Variants in RTKN2 observed in about 807,000 individuals in gnomAD.
The protein encoded by RTKN2 is rhotekin 2.
In RTKN2, 69 loss-of-function variants were observed where a neutral mutation model predicts 71.5. That is an observed-to-expected ratio of 0.96 (90% CI 0.79 to 1.18). The LOEUF (loss-of-function observed/expected upper bound fraction) is 1.18, where lower values mean the gene tolerates loss of function less well. Among genes scored for constraint, RTKN2 ranks in the 50% most tolerant of loss-of-function variants. The probability of loss-of-function intolerance (pLI) is 0.00; values close to 1 mark genes in which losing one functional copy is unlikely to be tolerated. For missense variants in RTKN2, 724 were observed against 719.7 expected (o/e 1.01, Z -0.07); for synonymous variants, 236 against 236.5 (o/e 1.00, Z 0.02).
intron 1 of RTKN2, 81 bp downstream of exon 1, chr10:62,268,470 G>A: frequency 7.6e-7 from 1 of 1,308,462 alleles, no homozygotes; most frequent in Non-Finnish European, 1.1e-6. Context: ...AGGCTTTCCC[G>A]ACTCCTCCAC....
chr10:62,211,907 G>T (rs944602656), intron 9 of RTKN2, among the ~76,000 whole-genome samples: 1 of 151,924 alleles, frequency 6.6e-6, no homozygotes, highest in Non-Finnish European at 1.5e-5. Context: ...CTCCTGATCC[G>T]CCCGTGCTGA....
intron 3 of RTKN2, among the ~76,000 whole-genome samples, chr10:62,245,633 C>T (rs1232043059): frequency 6.6e-6 from 1 of 151,978 alleles, no homozygotes. Context: ...CTGACCTAGA[C>T]AAAACATTAA....
At chr10:62,217,706 T>C (rs776469226) in intron 8 of RTKN2, among the ~76,000 whole-genome samples, 1 of 152,196 alleles carries the variant, frequency 6.6e-6, no homozygotes, top group Non-Finnish European at 1.5e-5. Flanking sequence ...TTCCTCCTAA[T>C]GGAATCTTTT....
At chr10:62,222,844 A>C (rs1480870398) in intron 7 of RTKN2, among the ~76,000 whole-genome samples, 1 of 152,232 alleles carries the variant, frequency 6.6e-6, no homozygotes, top group African/African-American at 2.4e-5. Flanking sequence ...CCATCCAAAG[A>C]GAAAAAAGTT....
Position 62,195,815 on chromosome 10 carries a change from AG to A in RTKN2, c.*2092del, listed in dbSNP as rs1186721021. On this transcript the variant is annotated 3_prime_UTR_variant, in exon 12 of 12. Coordinates refer to ENST00000373789, the MANE Select transcript of RTKN2 (RefSeq NM_145307.4). ...AAAGAGACCGAATAATTTGGTGGGGAGGGGGTGGTGGTCCTTGCTCAGGCTT... is the reference window on the plus strand; with the variant it reads ...AAAGAGACCGAATAATTTGGTGGGGAGGGGTGGTGGTCCTTGCTCAGGCTT... 4 of 985,234 alleles carry A rather than the reference AG, an allele frequency of 4.1e-6. No homozygotes were observed. The highest frequency in any genetic ancestry group is 4.8e-6 in the Non-Finnish European group (4 of 829,982). The allele number at this position is 985,234 out of a possible 1,614,324, so 61.0% of individuals were successfully genotyped here. A position where few individuals can be genotyped will look rare whatever the true frequency, so the allele number is the denominator to read the frequency against.
chr10:62,212,584 T>C (rs1474218603), intron 9 of RTKN2, among the ~76,000 whole-genome samples: 1 of 151,660 alleles, frequency 6.6e-6, no homozygotes, highest in Non-Finnish European at 1.5e-5. Context: ...GTACCTGTAG[T>C]CCCAGCTACT....
intron 10 of RTKN2, among the ~76,000 whole-genome samples, chr10:62,202,514 C>T (rs981253037): frequency 2.0e-5 from 3 of 152,312 alleles, no homozygotes; most frequent in South Asian, 2.1e-4. Flanking sequence ...ATACCTCCAT[C>T]TTTGCTTCAT....
chr10:62,239,587 T>C (rs972672295), intron 5 of RTKN2, 61 bp downstream of exon 5: 6 of 761,758 alleles, frequency 7.9e-6, no homozygotes, highest in Non-Finnish European at 1.2e-5. Context: ...AATAAGAACT[T>C]TCTTTTAAAA....
At position 62,197,832 on chromosome 10, in the gene RTKN2, C is replaced by A. The variant is rs1001902400; in HGVS notation, c.*76G>T. On this transcript the variant is annotated 3_prime_UTR_variant, in exon 12 of 12. Coordinates refer to ENST00000373789, the MANE Select transcript of RTKN2 (RefSeq NM_145307.4). The stretch of plus-strand genomic sequence containing the variant: ...ATCACTATATTTACCTATATAATTA[C>A]ACATTATTCTATAATGCCTCTGAAT... The A allele has an allele frequency of 6.8e-7, 1 of 1,471,196 alleles. No homozygotes were observed. Among genetic ancestry groups the A allele is most frequent in the Admixed American group, 2.5e-5 (1 of 39,864 alleles). The allele number at this position is 1,471,196 out of a possible 1,614,324, so 91.1% of individuals were successfully genotyped here. A position where few individuals can be genotyped will look rare whatever the true frequency, so the allele number is the denominator to read the frequency against.
intron 3 of RTKN2, among the ~76,000 whole-genome samples, chr10:62,244,739 TA>T (rs1842446090): frequency 6.6e-6 from 1 of 152,196 alleles, no homozygotes; most frequent in South Asian, 2.1e-4. Flanking sequence ...TGTTTTGTAT[TA>T]TAAAGATAAA....
chr10:62,221,373 G>A (rs965536015), intron 7 of RTKN2, among the ~76,000 whole-genome samples: 1 of 151,742 alleles, frequency 6.6e-6, no homozygotes, highest in Non-Finnish European at 1.5e-5. Context: ...AAATAACCAC[G>A]GAATAGGTGA....
intron 9 of RTKN2, among the ~76,000 whole-genome samples, chr10:62,206,700 A>T (rs765237850): frequency 2.0e-5 from 3 of 152,096 alleles, no homozygotes; most frequent in Admixed American, 6.6e-5. Flanking sequence ...GTATAAAATT[A>T]TACATTATAT....
intron 2 of RTKN2, among the ~76,000 whole-genome samples, chr10:62,246,381 G>A (rs564115797): frequency 1.3e-5 from 2 of 152,098 alleles, no homozygotes; most frequent in South Asian, 4.1e-4. Context: ...GTCCCCAGAA[G>A]TATAATACCT....
rs533215121 is a variant in RTKN2 at position 62,241,058 on chromosome 10, C to G, written c.370+84G>C. On this transcript the variant is annotated intron_variant, in intron 4 of 11. Coordinates refer to ENST00000373789, the MANE Select transcript of RTKN2 (RefSeq NM_145307.4). ...TTCAAATGACATCAATTTATTTCAG[C>G]AAGGAAGCAGTCTTTTTTCTCAATA... The G allele has an allele frequency of 7.7e-5, 54 of 700,558 alleles. No homozygotes were observed. The Middle Eastern group carries it at 1.3e-3, about 17-fold the overall frequency. The allele number at this position is 700,558 out of a possible 1,614,324, so 43.4% of individuals were successfully genotyped here.
At chr10:62,254,668 G>A (rs942012291) in intron 2 of RTKN2, among the ~76,000 whole-genome samples, 4 of 152,120 alleles carry the variant, frequency 2.6e-5, no homozygotes, top group African/African-American at 9.7e-5. Context: ...GGCTGAACAT[G>A]GTGGCTCACG....
downstream of RTKN2, among the ~76,000 whole-genome samples, chr10:62,190,820 G>A (rs1003418850): frequency 6.6e-6 from 1 of 152,036 alleles, no homozygotes; most frequent in African/African-American, 2.4e-5. Flanking sequence ...TAGCATTCAA[G>A]GTCCTTTATG....
At chr10:62,184,239 C>T (rs1841099520) in exon 9 of RTKN2, 2 of 907,558 alleles carry the variant, frequency 2.2e-6, no homozygotes, top group Non-Finnish European at 3.4e-6. Context: ...TGTCTTTTCC[C>T]TCATGAAGCT....
At chr10:62,253,581 T>C (rs1210223836) in intron 2 of RTKN2, among the ~76,000 whole-genome samples, 1 of 152,020 alleles carries the variant, frequency 6.6e-6, no homozygotes, top group African/African-American at 2.4e-5. Flanking sequence ...CCATATTAAG[T>C]CATAAAGAAA....
chr10:62,242,594 TA>T (rs974685802), intron 3 of RTKN2, among the ~76,000 whole-genome samples: 43 of 150,608 alleles, frequency 2.9e-4, no homozygotes, highest in African/African-American at 1.0e-3. Flanking sequence ...TAAATTCTCT[TA>T]AGTTTTGTAA....
Sources: gnomAD v4.1 joint callset for allele counts (sites outside exome capture counted in the v4.1 genomes callset) on GRCh38, gnomAD v4.1.1 for gene constraint, MANE v1.5 for transcripts, NCBI Gene and HGNC (gene_info 2026-07-23, HGNC 2026-07-21) for gene names.